The following HYDIN variants were observed in gnomAD, a reference collection of about 807,000 sequenced individuals.
The protein encoded by HYDIN is axonemal central pair apparatus protein HYDIN.
In HYDIN, 132 loss-of-function variants were observed where a neutral mutation model predicts 403.9. The ratio of observed to expected loss-of-function variants is 0.33; its 90% CI spans 0.28 to 0.38. The LOEUF is 0.38. HYDIN is among the 10% of genes least tolerant of loss of function. The pLI is 1.00. For missense variants in HYDIN, 2,827 were observed against 5,009.5 expected, an observed-to-expected ratio of 0.56 and a Z score of 13.15; for synonymous variants, 1,202 against 1,891.7, an observed-to-expected ratio of 0.64 and a Z score of 9.46.
intron 28 of HYDIN, chr16:70,984,982 A>T: frequency 2.0e-6 from 1 of 509,518 alleles, no homozygotes; most frequent in African/African-American, 1.9e-5. Context: ...TGGTGCCTGG[A>T]AACTGGTTAC....
At chr16:70,946,409 G>A (rs2077863252) in intron 41 of HYDIN, among the ~76,000 whole-genome samples, 1 of 151,162 alleles carries the variant, frequency 6.6e-6, no homozygotes, top group Non-Finnish European at 1.5e-5. Flanking sequence ...CCAGACCAAA[G>A]GGCCCATTGG....
At chr16:71,115,484 T>C (rs1597810578) in intron 10 of HYDIN, among the ~76,000 whole-genome samples, 1 of 152,200 alleles carries the variant, frequency 6.6e-6, no homozygotes, top group Non-Finnish European at 1.5e-5. Flanking sequence ...GCCACCATAA[T>C]TGTAAAGCAC....
At chr16:71,094,014 A>G in intron 10 of HYDIN, 79 bp from the exon 11 acceptor site, 3 of 1,166,482 alleles carry the variant, frequency 2.6e-6, no homozygotes, top group South Asian at 3.2e-5. Flanking sequence ...TACGTTACCA[A>G]TATAAATAAT....
At chr16:71,003,818 T>C (rs556841535) in intron 23 of HYDIN, among the ~76,000 whole-genome samples, 2 of 151,850 alleles carry the variant, frequency 1.3e-5, no homozygotes, top group Non-Finnish European at 2.9e-5. Context: ...AAAAATGCAA[T>C]TGAATTTTAT....
At chr16:70,897,088 G>C (rs879903661) in intron 53 of HYDIN, among the ~76,000 whole-genome samples, 13 of 150,550 alleles carry the variant, frequency 8.6e-5, no homozygotes, top group Non-Finnish European at 1.6e-4. Flanking sequence ...GAAAATATTT[G>C]CAAACTATGC....
At chr16:70,970,871 CTTA>C (rs2078712494) in intron 35 of HYDIN, 112 bp from the exon 36 acceptor site, 39 of 1,025,466 alleles carry the variant, frequency 3.8e-5, no homozygotes, top group South Asian at 2.2e-4. Flanking sequence ...AGGGAGAAAA[CTTA>C]TTATAAAATT....
intron 41 of HYDIN, 107 bp from the exon 42 acceptor site, chr16:70,944,056 C>A: frequency 2.4e-6 from 2 of 820,720 alleles, no homozygotes; most frequent in Admixed American, 2.3e-5. Context: ...TCTGTCATTT[C>A]CTCATCTGTA....
At chr16:70,878,841 A>G (rs1323051131) in intron 62 of HYDIN, among the ~76,000 whole-genome samples, 1 of 140,658 alleles carries the variant, frequency 7.1e-6, no homozygotes, top group Non-Finnish European at 1.5e-5. Flanking sequence ...AAAGTCCTAC[A>G]GTCCCTTGTA....
intron 45 of HYDIN, among the ~76,000 whole-genome samples, chr16:70,935,191 TTCAGGTCAGTA>T (rs2077466045): frequency 1.4e-5 from 2 of 142,396 alleles, no homozygotes; most frequent in Non-Finnish European, 3.1e-5. Context: ...ATAGATTTCC[TTCAGGTCAGTA>T]TCAGGCATCC....
chr16:71,045,610 C>A (rs1256327408), intron 18 of HYDIN, among the ~76,000 whole-genome samples: 1 of 138,220 alleles, frequency 7.2e-6, no homozygotes, highest in Non-Finnish European at 1.6e-5. Context: ...TGAAAGGTGT[C>A]AGATCAAATG....
At chr16:70,866,563 A>G (rs1055972347) in intron 66 of HYDIN, among the ~76,000 whole-genome samples, 1 of 152,200 alleles carries the variant, frequency 6.6e-6, no homozygotes, top group Admixed American at 6.5e-5. Flanking sequence ...GCTTCACAAC[A>G]TACATAAAAT....
In HYDIN at chr16:70,815,772, T is replaced by TA. The variant is rs143534816; in HGVS notation, c.14658+2569dup. Among the ~76,000 whole-genome samples the TA allele has an allele frequency of 1.0e-3, 124 of 119,178 alleles. 1 individual carries two copies. Among genetic ancestry groups the TA allele is most frequent in the African/African-American group, 2.2e-3 (71 of 31,846 alleles). The allele number at this position is 119,178 out of a possible 152,430, so 78.2% of individuals were successfully genotyped here. ...TACTTTAATGTATTCTCTTAACTGATAAAAAAAAAAAGCAGACAAAAATGT... is the reference window on the plus strand; with the variant it reads ...TACTTTAATGTATTCTCTTAACTGATAAAAAAAAAAAAGCAGACAAAAATGT... On this transcript the variant is annotated intron_variant, in intron 84 of 85. Coordinates refer to ENST00000393567, the MANE Select transcript of HYDIN (RefSeq NM_001270974.2).
chr16:70,956,685 G>A (rs1261787027), intron 39 of HYDIN, among the ~76,000 whole-genome samples: 7 of 152,108 alleles, frequency 4.6e-5, no homozygotes, highest in African/African-American at 1.7e-4. Context: ...AGGGTTGCAG[G>A]CAACATTTCT....
At chr16:70,857,253 T>C (rs1034028271) in intron 72 of HYDIN, among the ~76,000 whole-genome samples, 1 of 68,832 alleles carries the variant, frequency 1.5e-5, no homozygotes, top group Non-Finnish European at 2.7e-5. Flanking sequence ...TCCCAGCCCA[T>C]AGAAAAGTAC....
chr16:71,177,045 C>T (rs897294577), intron 4 of HYDIN, among the ~76,000 whole-genome samples: 1 of 152,286 alleles, frequency 6.6e-6, no homozygotes, highest in Middle Eastern at 3.4e-3. Flanking sequence ...GCCTGCCTCG[C>T]CTGGAGAGAA....
intron 76 of HYDIN, among the ~76,000 whole-genome samples, chr16:70,838,916 C>G: frequency 8.3e-6 from 1 of 120,468 alleles, no homozygotes; most frequent in Non-Finnish European, 1.7e-5. Context: ...GGCACCTAGG[C>G]CTTTTCATTA....
At chr16:70,998,013 A>T (rs1423182049) in intron 23 of HYDIN, among the ~76,000 whole-genome samples, 3 of 151,902 alleles carry the variant, frequency 2.0e-5, no homozygotes, top group Non-Finnish European at 4.4e-5. Context: ...GCTTGGCTTG[A>T]CTCCTTTGGC....
intron 65 of HYDIN, among the ~76,000 whole-genome samples, chr16:70,870,008 C>A (rs1328835749): frequency 7.3e-5 from 11 of 151,604 alleles, no homozygotes; most frequent in African/African-American, 2.4e-4. Flanking sequence ...GGAACTGGAG[C>A]AAAGGTGACT....
rs935748675 is a variant in HYDIN, at chr16:71,230,625, C to G, written c.-87G>C. On this transcript the variant is annotated 5_prime_UTR_variant, in exon 1 of 86. Coordinates refer to ENST00000393567, the MANE Select transcript of HYDIN (RefSeq NM_001270974.2). ...TTCCCCGCCAAGACCCCGCGTCCAA[C>G]TCACAGACCCCGCCGCCGCTGAGGG... 2.0e-6 allele frequency: 3 copies of G among 1,536,000 alleles called. No homozygotes were observed. Among genetic ancestry groups the G allele is most frequent in the Non-Finnish European group, 2.6e-6 (3 of 1,146,892 alleles).
Sources: allele counts gnomAD v4.1 joint callset (sites outside exome capture counted in the v4.1 genomes callset), GRCh38; gene constraint gnomAD v4.1.1; transcripts MANE v1.5; gene names NCBI Gene and HGNC (gene_info 2026-07-23, HGNC 2026-07-21).